Variants in TENT2 observed in about 807,000 individuals in gnomAD.
TENT2 encodes terminal nucleotidyltransferase 2, also known as poly(A) RNA polymerase GLD2.
TENT2 carries 44 observed loss-of-function variants against 72.2 expected under a neutral mutation model. The ratio of observed to expected loss-of-function variants is 0.61; its 90% CI spans 0.48 to 0.78. TENT2 has a LOEUF of 0.78. TENT2 is among the 30% of genes least tolerant of loss of function. The probability of loss-of-function intolerance (pLI) is 0.00; values close to 1 mark genes in which losing one functional copy is unlikely to be tolerated. For synonymous variants in TENT2, 212 were observed against 192.5 expected (o/e 1.10, Z -0.84); for missense variants, 541 against 569.6 (o/e 0.95, Z 0.51).
At chr5:79,648,940 A>G in intron 9 of TENT2, 122 bp from the exon 10 acceptor site, 1 of 1,125,206 alleles carries the variant, frequency 8.9e-7, no homozygotes. Context: ...AAGTGAACAG[A>G]CACAGTGTTT....
intron 11 of TENT2, among the ~76,000 whole-genome samples, chr5:79,659,915 CA>C (rs1387337566): frequency 1.3e-5 from 2 of 151,742 alleles, no homozygotes; most frequent in Admixed American, 1.3e-4. Context: ...GGCAGAATTT[CA>C]GCTTGTATAA....
At chr5:79,673,299 A>G (rs1284493156) in intron 12 of TENT2, among the ~76,000 whole-genome samples, 1 of 152,052 alleles carries the variant, frequency 6.6e-6, no homozygotes, top group Non-Finnish European at 1.5e-5. Context: ...TTTTAACTTG[A>G]TGTGATCCCA....
At chr5:79,663,262 T>G (rs1490144275) in intron 11 of TENT2, among the ~76,000 whole-genome samples, 1 of 152,222 alleles carries the variant, frequency 6.6e-6, no homozygotes, top group East Asian at 1.9e-4. Flanking sequence ...TAAGGCTGTT[T>G]TGCTTTTTTA....
chr5:79,629,915 C>T (rs1411081799), intron 4 of TENT2, among the ~76,000 whole-genome samples: 1 of 151,598 alleles, frequency 6.6e-6, no homozygotes, highest in African/African-American at 2.4e-5. Flanking sequence ...GGGTGGATTA[C>T]CTGAAGTCAG....
intron 12 of TENT2, 151 bp from the exon 13 acceptor site, chr5:79,679,428 G>A (rs982587741): frequency 9.8e-6 from 4 of 409,198 alleles, no homozygotes; most frequent in African/African-American, 6.1e-5. Context: ...AAATATAGAG[G>A]TGGGAAATAG....
At chr5:79,683,910 C>T (rs530702009) in intron 14 of TENT2, among the ~76,000 whole-genome samples, 2 of 103,796 alleles carry the variant, frequency 1.9e-5, no homozygotes, top group South Asian at 3.1e-4. Context: ...GGCGACAGAG[C>T]GAGACTCCGT....
intron 8 of TENT2, 34 bp downstream of exon 8, chr5:79,645,226 C>G: frequency 6.6e-7 from 1 of 1,522,234 alleles, no homozygotes; most frequent in Non-Finnish European, 9.0e-7. Context: ...TTTTTAGTTC[C>G]TTTAGATCAT....
intron 13 of TENT2, 49 bp from the exon 14 acceptor site, chr5:79,681,933 A>T (rs1225325715): frequency 1.4e-6 from 2 of 1,473,202 alleles, no homozygotes. Flanking sequence ...AAGAAACTGT[A>T]GCTCTCATTT....
At chr5:79,683,870 G>A (rs1011793493) in intron 14 of TENT2, among the ~76,000 whole-genome samples, 2 of 127,522 alleles carry the variant, frequency 1.6e-5, no homozygotes, top group Non-Finnish European at 3.1e-5. Flanking sequence ...CTTGCAGTGA[G>A]CCGAGATCCC....
intron 10 of TENT2, 76 bp downstream of exon 10, chr5:79,649,266 A>G (rs575094464): frequency 2.0e-5 from 27 of 1,346,214 alleles, no homozygotes; most frequent in Middle Eastern, 3.9e-4. Context: ...TGTTGACCCT[A>G]TTTTCAAATA....
intron 6 of TENT2, among the ~76,000 whole-genome samples, chr5:79,641,613 C>CT (rs1333930524): frequency 2.6e-5 from 4 of 151,154 alleles, no homozygotes; most frequent in Non-Finnish European, 5.9e-5. Flanking sequence ...TTTGAAAATG[C>CT]TTATTAAGGG....
rs566532504 is a variant in TENT2, at chr5:79,640,492, A to T, written c.466-359A>T. Among the ~76,000 whole-genome samples, 13 of 152,118 alleles carry T rather than the reference A, an allele frequency of 8.5e-5. No homozygotes were observed. In the East Asian group the frequency reaches 2.1e-3, roughly 25 times the overall value. On this transcript the variant is annotated intron_variant, in intron 4 of 14. Transcript: ENST00000453514. The stretch of plus-strand genomic sequence containing the variant: ...CACATATTGTTTGTTGCATATTTTT[A>T]TTTGTTTGTTTTCATAATCCTTTAA...
At chr5:79,647,082 C>T (rs1457784248) in intron 8 of TENT2, among the ~76,000 whole-genome samples, 1 of 151,980 alleles carries the variant, frequency 6.6e-6, no homozygotes, top group South Asian at 2.1e-4. Flanking sequence ...TCCTGCTTCC[C>T]AACAGAACCA....
chr5:79,635,084 T>C (rs1778999778), intron 4 of TENT2, among the ~76,000 whole-genome samples: 1 of 152,260 alleles, frequency 6.6e-6, no homozygotes, highest in Admixed American at 6.5e-5. Context: ...ATTACATATA[T>C]GATCTAAATC....
intron 4 of TENT2, among the ~76,000 whole-genome samples, chr5:79,625,684 A>C (rs1768984792): frequency 6.6e-6 from 1 of 152,136 alleles, no homozygotes; most frequent in Non-Finnish European, 1.5e-5. Context: ...CAGTTGTCCT[A>C]GCAGCTTATT....
chr5:79,620,081 G>C lies in TENT2; in HGVS notation c.225G>C (p.Arg75Ser). Residue 75 changes from arginine (R) to serine (S), a missense_variant and splice_region_variant, in exon 3 of 15, where the codon AGG becomes AGC. Transcript: ENST00000453514. ...QTSASPLFRGRKRLSDEKNLP... is the reference protein window; with the variant it reads ...QTSASPLFRGSKRLSDEKNLP... ...CAGCTTCCCCATTATTTCGAGGAAG[G>C]AAGTAAGTACTTCTTAATTATTTTA... 6.3e-7 allele frequency: 1 copy of C among 1,587,444 alleles called. No individual in the cohort carries two copies. Among genetic ancestry groups the C allele is most frequent in the Non-Finnish European group, 8.6e-7 (1 of 1,157,656 alleles).
intron 12 of TENT2, among the ~76,000 whole-genome samples, chr5:79,675,747 T>G (rs1483490589): frequency 6.6e-6 from 1 of 152,192 alleles, no homozygotes; most frequent in Non-Finnish European, 1.5e-5. Context: ...ATATATTACA[T>G]TCAGTCTTGA....
intron 12 of TENT2, among the ~76,000 whole-genome samples, chr5:79,677,169 C>A (rs1221630650): frequency 6.6e-6 from 1 of 152,084 alleles, no homozygotes; most frequent in African/African-American, 2.4e-5. Flanking sequence ...TTTAAAAGTT[C>A]TTTGAAAATG....
intron 7 of TENT2, among the ~76,000 whole-genome samples, chr5:79,643,442 A>G (rs1170430498): frequency 6.6e-6 from 1 of 152,202 alleles, no homozygotes; most frequent in Non-Finnish European, 1.5e-5. Flanking sequence ...CTCTAAACAT[A>G]TTTTAATCCA....
Sources: gnomAD v4.1 joint callset for allele counts (sites outside exome capture counted in the v4.1 genomes callset) on GRCh38, gnomAD v4.1.1 for gene constraint, MANE v1.5 for transcripts, NCBI Gene and HGNC (gene_info 2026-07-23, HGNC 2026-07-21) for gene names.